The following PDS5B variants were observed in gnomAD, a reference collection of about 807,000 sequenced individuals.
The protein encoded by PDS5B is sister chromatid cohesion protein PDS5 homolog B.
In PDS5B, 51 loss-of-function variants were observed where a neutral mutation model predicts 184.1. The ratio of observed to expected loss-of-function variants is 0.28; its 90% CI spans 0.22 to 0.35. PDS5B has a LOEUF of 0.35. PDS5B is among the 10% of genes least tolerant of loss of function. PDS5B has a pLI of 1.00. For missense variants in PDS5B, 1,180 were observed against 1,723.3 expected (o/e 0.68, Z 5.58); for synonymous variants, 566 against 569.2 (o/e 0.99, Z 0.08).
At position 32,678,888 on chromosome 13, in the gene PDS5B, A is replaced by G. The variant is rs1369469862; in HGVS notation, c.1016A>G (p.His339Arg). ...IRLECVKFAS[H>R]CLMNHPDLAK... ...CTGGAATGTGTGAAATTTGCTAGCC[A>G]TTGTCTCATGAACCATCCTGATTTA... Residue 339 changes from histidine to arginine, a missense_variant, in exon 10 of 35, where the codon CAT (histidine) becomes CGT (arginine). Around this residue, in one of 11 missense-constraint regions of PDS5B, gnomAD observed 475 missense variants for 691.5 expected, o/e 0.69. Transcript: ENST00000315596. 2 of 1,608,598 alleles carry G rather than the reference A, an allele frequency of 1.2e-6. No individual in the cohort carries two copies. The highest frequency in any genetic ancestry group is 1.1e-5 in the South Asian group (1 of 90,950).
chr13:32,713,825 G>T (rs1216460783), intron 19 of PDS5B, among the ~76,000 whole-genome samples: 1 of 152,062 alleles, frequency 6.6e-6, no homozygotes, highest in Non-Finnish European at 1.5e-5. Context: ...AAATATACTG[G>T]TGCAGTTTGC....
At chr13:32,587,064 A>G (rs1264913682) in intron 1 of PDS5B, among the ~76,000 whole-genome samples, 2 of 143,032 alleles carry the variant, frequency 1.4e-5, no homozygotes, top group African/African-American at 2.5e-5. Flanking sequence ...CCCGGGCGGC[A>G]GGCGGGCGGC....
At chr13:32,643,737 A>T (rs757094046) in intron 1 of PDS5B, among the ~76,000 whole-genome samples, 6 of 152,170 alleles carry the variant, frequency 3.9e-5, no homozygotes, top group Non-Finnish European at 8.8e-5. Flanking sequence ...AGGCTATACC[A>T]TATAGCCTAG....
At chr13:32,732,037 G>C in intron 19 of PDS5B, 64 bp from the exon 20 acceptor site, 1 of 1,329,330 alleles carries the variant, frequency 7.5e-7, no homozygotes, top group African/African-American at 1.5e-5. Context: ...AAATATTAAA[G>C]TATCTAGCAG....
In PDS5B at chr13:32,715,912, C is replaced by T. The variant is rs563328295; in HGVS notation, c.2123+5806C>T. ...CTAACCGCGAGTGATCCGCCAGCCT[C>T]GGCCTCCCGAGGTGCCGGGATTGCA... On this transcript the variant is annotated intron_variant, in intron 19 of 34. Transcript: ENST00000315596. Among the ~76,000 whole-genome samples, 697 of 152,390 alleles carry T rather than the reference C, an allele frequency of 4.6e-3. 3 individuals carry two copies. Among genetic ancestry groups the T allele is most frequent in the South Asian group, 0.015 (74 of 4,832 alleles).
intron 1 of PDS5B, among the ~76,000 whole-genome samples, chr13:32,609,150 A>G (rs1193472495): frequency 6.6e-6 from 1 of 152,220 alleles, no homozygotes; most frequent in Non-Finnish European, 1.5e-5. Context: ...TGCATAATGC[A>G]ACTATCCTTA....
rs183339158 is a variant in PDS5B, at chr13:32,696,092, A to G, written c.1552-762A>G. 7.2e-3 allele frequency among the ~76,000 whole-genome samples: 1,097 copies of G among 152,152 alleles called. 4 individuals carry two copies. The highest frequency in any genetic ancestry group is 0.011 in the Non-Finnish European group (776 of 67,938). ...CCAAATAGTTGGGAATTAATTCTTG[A>G]ACTTTATTACGCTTTAACTCTCAGT... On this transcript the variant is annotated intron_variant, in intron 14 of 34. Coordinates refer to ENST00000315596, the MANE Select transcript of PDS5B (RefSeq NM_015032.4).
chr13:32,753,817 T>G (rs572636180), intron 25 of PDS5B, among the ~76,000 whole-genome samples: 1 of 152,268 alleles, frequency 6.6e-6, no homozygotes, highest in East Asian at 1.9e-4. Flanking sequence ...ATTTGTACAT[T>G]TATATAGATT....
chr13:32,777,065 G>C lies in PDS5B; in HGVS notation c.*2013G>C, dbSNP rs1469643347. 1 of 152,006 alleles carries C rather than the reference G, an allele frequency of 6.6e-6. No individual in the cohort carries two copies. The highest frequency in any genetic ancestry group is 1.5e-5 in the Non-Finnish European group (1 of 67,838). 9.4% of individuals were successfully genotyped at this position (152,006 alleles called of 1,614,324 possible). A position where few individuals can be genotyped will look rare whatever the true frequency, so the allele number is the denominator to read the frequency against. On this transcript the variant is annotated 3_prime_UTR_variant, in exon 35 of 35. Coordinates refer to ENST00000315596, the MANE Select transcript of PDS5B (RefSeq NM_015032.4). ...TTAAAATCTATAACATAAAGAATAAGGAATAGCTTTGTATTTTTGTCATTG... is the reference window on the plus strand; with the variant it reads ...TTAAAATCTATAACATAAAGAATAACGAATAGCTTTGTATTTTTGTCATTG...
Position 32,775,872 on chromosome 13 carries a change from TCTA to T in PDS5B, c.*823_*825del, listed in dbSNP as rs1954942834. On this transcript the variant is annotated 3_prime_UTR_variant, in exon 35 of 35. Coordinates refer to ENST00000315596, the MANE Select transcript of PDS5B (RefSeq NM_015032.4). ...TTATCATCCTTTCAGTTTTTATTAA[TCTA>T]CTGTATCAATAAAATTCTGTAATTT... 6.8e-6 allele frequency: 2 copies of T among 293,328 alleles called. No homozygotes were observed. Among genetic ancestry groups the T allele is most frequent in the East Asian group, 9.1e-5 (1 of 10,964 alleles). The allele number at this position is 293,328 out of a possible 1,614,324, so 18.2% of individuals were successfully genotyped here. A position where few individuals can be genotyped will look rare whatever the true frequency, so the allele number is the denominator to read the frequency against.
chr13:32,684,955 T>TA (rs1169056500), intron 11 of PDS5B, among the ~76,000 whole-genome samples: 1 of 152,058 alleles, frequency 6.6e-6, no homozygotes, highest in East Asian at 1.9e-4. Flanking sequence ...CTACTAAAAA[T>TA]ACAAAAATTT....
chr13:32,720,965 GT>G (rs1181430242), intron 19 of PDS5B, among the ~76,000 whole-genome samples: 1 of 152,110 alleles, frequency 6.6e-6, no homozygotes, highest in Non-Finnish European at 1.5e-5. Flanking sequence ...TGGGGGTAAG[GT>G]TATAGATTAA....
At chr13:32,753,009 A>G (rs1954040356) in intron 24 of PDS5B, among the ~76,000 whole-genome samples, 1 of 152,284 alleles carries the variant, frequency 6.6e-6, no homozygotes. Flanking sequence ...AGTAAATGAA[A>G]AAGATATATA....
chr13:32,685,786 G>A (rs984159161), intron 11 of PDS5B, among the ~76,000 whole-genome samples: 10 of 152,022 alleles, frequency 6.6e-5, no homozygotes, highest in Non-Finnish European at 1.2e-4. Context: ...GGTACTACAG[G>A]CACATCCCAC....
intron 1 of PDS5B, among the ~76,000 whole-genome samples, chr13:32,631,428 T>C (rs1409831201): frequency 6.6e-6 from 1 of 152,172 alleles, no homozygotes; most frequent in Non-Finnish European, 1.5e-5. Flanking sequence ...ATCTAACACA[T>C]ACATTGACAT....
Position 32,716,229 on chromosome 13 carries a change from C to T in PDS5B, c.2123+6123C>T, listed in dbSNP as rs556982066. Among the ~76,000 whole-genome samples, 15 of 151,706 alleles carry T rather than the reference C, an allele frequency of 9.9e-5. No individual in the cohort carries two copies. In the South Asian group the frequency reaches 1.0e-3, roughly 11 times the overall value. ...CTAGGAAGTGAGGAGCGCCTCTTCC[C>T]GGCCGCCATCCCATCTAGGAAGTGA... On this transcript the variant is annotated intron_variant, in intron 19 of 34. Transcript: ENST00000315596.
Position 32,673,372 on chromosome 13 carries a change from AAT to A in PDS5B, c.846+19_846+20del. 6.3e-7 allele frequency: 1 copy of A among 1,597,830 alleles called. No individual in the cohort carries two copies. The highest frequency in any genetic ancestry group is 8.5e-7 in the Non-Finnish European group (1 of 1,171,056). On this transcript the variant is annotated intron_variant, in intron 8 of 34. Coordinates refer to ENST00000315596, the MANE Select transcript of PDS5B (RefSeq NM_015032.4). The stretch of plus-strand genomic sequence containing the variant: ...TAAATTAAAGGTAACTTGTAAAAAT[AAT>A]ATGATTCTACCAACCAAGTTATTAG...
chr13:32,660,017 T>C (rs2140703744), intron 6 of PDS5B, among the ~76,000 whole-genome samples: 1 of 151,172 alleles, frequency 6.6e-6, no homozygotes, highest in East Asian at 1.9e-4. Flanking sequence ...ACACTACAAA[T>C]AGCAAGATTA....
chr13:32,664,389 A>G lies in PDS5B; in HGVS notation c.625-3375A>G, dbSNP rs536144085. Among the ~76,000 whole-genome samples the G allele has an allele frequency of 1.8e-4, 27 of 152,338 alleles. No homozygotes were observed. In the East Asian group the frequency reaches 5.0e-3, roughly 28 times the overall value. On this transcript the variant is annotated intron_variant, in intron 6 of 34. Coordinates refer to ENST00000315596, the MANE Select transcript of PDS5B (RefSeq NM_015032.4). ...ATTTTCATTTGTAGCTTTAACAAAG[A>G]TGTGAGGTACTTAGAAATTTAACCG...
Sources: gnomAD v4.1 joint callset for allele counts (sites outside exome capture counted in the v4.1 genomes callset) on GRCh38, gnomAD v4.1.1 for gene constraint, gnomAD v4.1.1 regional missense constraint, MANE v1.5 for transcripts, NCBI Gene and HGNC (gene_info 2026-07-23, HGNC 2026-07-21) for gene names.